Variants in MISFA observed in about 807,000 individuals in gnomAD.
MISFA encodes the protein mitochondrial sheath formation associated.
At chr11:18,606,292 A>C in the MISFA span, 1 of 163,256 alleles carries the variant, frequency 6.1e-6, no homozygotes, top group Non-Finnish European at 1.3e-5. Flanking sequence ...GGCAAACCAT[A>C]TCTCTGAAGT....
chr11:18,603,992 T>A, the MISFA span: 1 of 295,994 alleles, frequency 3.4e-6, no homozygotes, highest in Non-Finnish European at 5.9e-6. Context: ...AGTGGCGCGA[T>A]CTCGGCTCAC....
chr11:18,603,338 G>A, the MISFA span: 1 of 395,882 alleles, frequency 2.5e-6, no homozygotes, highest in African/African-American at 2.1e-5. Context: ...GTAGCTGTTG[G>A]GAGGGTTCCC....
chr11:18,603,950 A>AC, the MISFA span: 2,212 of 251,296 alleles, frequency 8.8e-3, 173 homozygotes, highest in African/African-American at 0.081. Context: ...TTTTTGAGAC[A>AC]GAGTCTCGCT....
At chr11:18,601,689 C>CA in the MISFA span, 1 of 395,808 alleles carries the variant, frequency 2.5e-6, no homozygotes. Flanking sequence ...GGATTGCAGG[C>CA]ATAAACCACC....
the MISFA span, chr11:18,609,637 T>G: frequency 1.8e-6 from 1 of 548,310 alleles, no homozygotes; most frequent in South Asian, 2.3e-5. Flanking sequence ...GTTAACTTCA[T>G]AAGAGCACAA....
At chr11:18,600,478 C>T in the MISFA span, among the ~76,000 whole-genome samples, 1 of 146,536 alleles carries the variant, frequency 6.8e-6, no homozygotes, top group East Asian at 2.0e-4. Flanking sequence ...GCTGGGATTA[C>T]AGGCATGAGC....
chr11:18,600,653 T>C, the MISFA span, among the ~76,000 whole-genome samples: 6 of 151,394 alleles, frequency 4.0e-5, no homozygotes, highest in East Asian at 7.8e-4. Context: ...CCCGAGTAGC[T>C]GGGACTACAG....
chr11:18,608,185 TAC>T, the MISFA span: 1 of 152,614 alleles, frequency 6.6e-6, no homozygotes, highest in African/African-American at 2.4e-5. Flanking sequence ...TATATGTAGT[TAC>T]AAAGGGTGTT....
At chr11:18,603,307 T>C in the MISFA span, 4 of 397,450 alleles carry the variant, frequency 1.0e-5, no homozygotes, top group Non-Finnish European at 1.8e-5. Flanking sequence ...CAAATACTTT[T>C]ATTATTTTTT....
chr11:18,608,499 G>A, the MISFA span: 3 of 152,178 alleles, frequency 2.0e-5, no homozygotes, highest in Admixed American at 6.5e-5. Flanking sequence ...AACGTTTATT[G>A]TAGAACGTTT....
chr11:18,606,801 C>T, the MISFA span: 1 of 381,870 alleles, frequency 2.6e-6, no homozygotes, highest in South Asian at 1.9e-5. Context: ...AAATACAAAA[C>T]AACAATTTAT....
At chr11:18,605,067 A>AC in the MISFA span, among the ~76,000 whole-genome samples, 1 of 151,998 alleles carries the variant, frequency 6.6e-6, no homozygotes, top group East Asian at 1.9e-4. Context: ...ACATGGTGAA[A>AC]CCCCGTATCT....
chr11:18,604,583 C>G, the MISFA span, among the ~76,000 whole-genome samples: 3 of 151,220 alleles, frequency 2.0e-5, no homozygotes, highest in South Asian at 6.3e-4. Context: ...GAGCTGAGAT[C>G]GGCCACTGCA....
chr11:18,608,208 A>T, the MISFA span: 2 of 152,626 alleles, frequency 1.3e-5, no homozygotes, highest in Non-Finnish European at 2.9e-5. Flanking sequence ...ATTCCTAGTG[A>T]TGATGACACC....
At chr11:18,606,735 T>C in the MISFA span, 4 of 401,440 alleles carry the variant, frequency 1.0e-5, no homozygotes, top group African/African-American at 8.7e-5. Context: ...TTTCCAAACA[T>C]GTTTTGGTCT....
At chr11:18,605,072 G>A in the MISFA span, among the ~76,000 whole-genome samples, 8 of 151,956 alleles carry the variant, frequency 5.3e-5, no homozygotes, top group African/African-American at 1.5e-4. Context: ...GTGAAACCCC[G>A]TATCTACTAA....
chr11:18,601,540 C>T, the MISFA span: 7 of 396,798 alleles, frequency 1.8e-5, no homozygotes, highest in Admixed American at 3.1e-4. Flanking sequence ...TCTTGGGTAG[C>T]TGATCCTCAG....
chr11:18,608,309 T>C, the MISFA span: 1 of 152,758 alleles, frequency 6.5e-6, no homozygotes, highest in South Asian at 2.1e-4. Flanking sequence ...GCCTGGCTCA[T>C]ATGGTCCCAT....
the MISFA span, among the ~76,000 whole-genome samples, chr11:18,604,161 C>T: frequency 3.9e-5 from 6 of 151,990 alleles, no homozygotes; most frequent in East Asian, 1.2e-3. Flanking sequence ...CTCCTGACCT[C>T]ATGATCTGCC....
Sources: gnomAD v4.1 joint callset for allele counts (sites outside exome capture counted in the v4.1 genomes callset) on GRCh38, gnomAD v4.1.1 for gene constraint, MANE v1.5 for transcripts, NCBI Gene and HGNC (gene_info 2026-07-23, HGNC 2026-07-21) for gene names.